The following ZNF700 variants were observed in gnomAD, a reference collection of about 807,000 sequenced individuals.
The protein encoded by ZNF700 is zinc finger protein 700.
In ZNF700, 38 loss-of-function variants were observed where a neutral mutation model predicts 65.3. The ratio of observed to expected loss-of-function variants is 0.58; its 90% CI spans 0.45 to 0.76. The LOEUF (loss-of-function observed/expected upper bound fraction) is 0.76. Among genes scored for constraint, ZNF700 ranks in the 30% least tolerant of loss-of-function variants. ZNF700 has a pLI of 0.00. For missense variants in ZNF700, 857 were observed against 888.4 expected, an observed-to-expected ratio of 0.96 and a Z score of 0.45; for synonymous variants, 285 against 290.4, an observed-to-expected ratio of 0.98 and a Z score of 0.19.
rs111791776 is a variant in ZNF700, at chr19:11,941,692, G to A, written c.64-5489G>A. Among the ~76,000 whole-genome samples the A allele has an allele frequency of 4.0e-3, 603 of 152,296 alleles. 4 individuals are homozygous for A. The highest frequency in any genetic ancestry group is 0.014 in the African/African-American group (579 of 41,568). ...CGCGCCTCTCCCTCCACCCCTCCCTGCAAGCTGAGGGAGCCGGCTCCCGCC... is the reference window on the plus strand; with the variant it reads ...CGCGCCTCTCCCTCCACCCCTCCCTACAAGCTGAGGGAGCCGGCTCCCGCC... On this transcript the variant is annotated intron_variant, in intron 1 of 3. Coordinates refer to ENST00000254321, the MANE Select transcript of ZNF700 (RefSeq NM_144566.3).
chr19:11,931,897 C>T (rs1179888532), intron 1 of ZNF700, among the ~76,000 whole-genome samples: 1 of 147,936 alleles, frequency 6.8e-6, no homozygotes, highest in Non-Finnish European at 1.5e-5. Context: ...ATGCAGATAG[C>T]CTGAGTTCAG....
intron 2 of ZNF700, 38 bp downstream of exon 2, chr19:11,947,345 A>T (rs1355344971): frequency 1.2e-6 from 2 of 1,611,812 alleles, no homozygotes; most frequent in African/African-American, 2.7e-5. Context: ...GTGCATTAGC[A>T]AACCAGTGTT....
Position 11,932,724 on chromosome 19 carries a change from G to A in ZNF700, c.63+7451G>A, listed in dbSNP as rs981132898. On this transcript the variant is annotated intron_variant, in intron 1 of 3. Coordinates refer to ENST00000254321, the MANE Select transcript of ZNF700 (RefSeq NM_144566.3). ...GTGATCTCGGCTCACTGCAAGCTCC[G>A]CCTCCCGGGTTCACGCCATTCTCCT... Among the ~76,000 whole-genome samples, 4 of 139,740 alleles carry A rather than the reference G, an allele frequency of 2.9e-5. No homozygotes were observed. In the Admixed American group the frequency reaches 2.9e-4, roughly 10 times the overall value. The allele number at this position is 139,740 out of a possible 152,430, so 91.7% of individuals were successfully genotyped here. A position where few individuals can be genotyped will look rare whatever the true frequency, so the allele number is the denominator to read the frequency against.
At chr19:11,946,227 G>C (rs1040126691) in intron 1 of ZNF700, among the ~76,000 whole-genome samples, 15 of 152,182 alleles carry the variant, frequency 9.9e-5, no homozygotes, top group African/African-American at 3.4e-4. Context: ...TCGTAAATGA[G>C]CTGCCAAGGG....
At chr19:11,936,145 G>A (rs1419157506) in intron 1 of ZNF700, among the ~76,000 whole-genome samples, 1 of 151,988 alleles carries the variant, frequency 6.6e-6, no homozygotes, top group Non-Finnish European at 1.5e-5. Context: ...CTTTGCTATT[G>A]TGAATAGTGA....
In ZNF700 at chr19:11,949,230, C is replaced by T; in HGVS notation, c.1206C>T (p.Ser402=). The stretch of plus-strand genomic sequence containing the variant: ...AATGTGGTAAAGCCTTCAATCTTTC[C>T]AGTTCCTTTCGATATCATGAAAGGA... The part of the protein sequence containing the change: ...CKQCGKAFNL[S]SSFRYHERIH... Residue 402 remains serine, a synonymous_variant, in exon 4 of 4, where the codon TCC becomes TCT. Coordinates refer to ENST00000254321, the MANE Select transcript of ZNF700 (RefSeq NM_144566.3). 2 of 1,613,696 alleles carry T rather than the reference C, an allele frequency of 1.2e-6. No homozygotes were observed. The highest frequency in any genetic ancestry group is 1.1e-5 in the South Asian group (1 of 91,036).
At position 11,948,560 on chromosome 19, in the gene ZNF700, C is replaced by G; in HGVS notation, c.536C>G (p.Pro179Arg). ...PKNKKAFRYR[P>R]SIRTQERDHT... ...AATAAGAAAGCCTTCAGGTATCGCC[C>G]ATCCATTAGAACACAAGAAAGGGAT... Residue 179 changes from proline to arginine, a missense_variant, in exon 4 of 4, where the codon CCA becomes CGA. By Grantham distance (103) the Pro-to-Arg change is moderately radical. Coordinates refer to ENST00000254321, the MANE Select transcript of ZNF700 (RefSeq NM_144566.3). 6.2e-7 allele frequency: 1 copy of G among 1,608,512 alleles called. No homozygotes were observed. The highest frequency in any genetic ancestry group is 8.5e-7 in the Non-Finnish European group (1 of 1,178,790).
At chr19:11,944,920 C>T (rs1192907175) in intron 1 of ZNF700, among the ~76,000 whole-genome samples, 1 of 152,218 alleles carries the variant, frequency 6.6e-6, no homozygotes, top group Non-Finnish European at 1.5e-5. Context: ...TGGCTCCCAG[C>T]AGCTGTGGCA....
chr19:11,947,424 A>G lies in ZNF700; in HGVS notation c.191-90A>G, dbSNP rs1473790797. On this transcript the variant is annotated intron_variant, in intron 2 of 3. Transcript: ENST00000254321. The stretch of plus-strand genomic sequence containing the variant: ...AAATACCTTGATGAATAAATGAGGC[A>G]TGGCTGCAGTAAATCATGGGCACAG... 1.9e-6 allele frequency: 3 copies of G among 1,600,592 alleles called. No individual in the cohort carries two copies. In the African/African-American group the frequency reaches 4.0e-5, roughly 22 times the overall value.
chr19:11,949,720 T>C lies in ZNF700; in HGVS notation c.1696T>C (p.Cys566Arg). 2 of 1,613,912 alleles carry C rather than the reference T, an allele frequency of 1.2e-6. No individual in the cohort carries two copies. Among genetic ancestry groups the C allele is most frequent in the Non-Finnish European group, 1.7e-6 (2 of 1,179,992 alleles). The change falls in exon 4 of 4, where the codon TGT becomes CGT. Residue 566 changes from cysteine to arginine, a missense_variant. Coordinates refer to ENST00000254321, the MANE Select transcript of ZNF700 (RefSeq NM_144566.3). ...RTHTGEKPYE[C>R]KQCGKAFRSA... The stretch of plus-strand genomic sequence containing the variant: ...TCACACTGGAGAGAAACCCTATGAG[T>C]GTAAGCAATGTGGGAAAGCCTTCAG...
chr19:11,943,680 C>T (rs1339734832), intron 1 of ZNF700, among the ~76,000 whole-genome samples: 1 of 152,200 alleles, frequency 6.6e-6, no homozygotes, highest in Non-Finnish European at 1.5e-5. Context: ...AGTTCCTAGG[C>T]ATTCATAATA....
chr19:11,950,445 A>G lies in ZNF700; in HGVS notation c.*192A>G, dbSNP rs574168880. 1 of 723,412 alleles carries G rather than the reference A, an allele frequency of 1.4e-6. No homozygotes were observed. The highest frequency in any genetic ancestry group is 2.5e-6 in the Non-Finnish European group (1 of 406,982). The allele number at this position is 723,412 out of a possible 1,614,324, so 44.8% of individuals were successfully genotyped here. ...CTTTTACTTCTTTTCAATGTCATGA[A>G]AGGACTCACACGGGAGAGAAACCCT... On this transcript the variant is annotated 3_prime_UTR_variant, in exon 4 of 4. Transcript: ENST00000254321.
Position 11,950,581 on chromosome 19 carries a change from G to T in ZNF700, c.*328G>T. 1 of 498,866 alleles carries T rather than the reference G, an allele frequency of 2.0e-6. No homozygotes were observed. Among genetic ancestry groups the T allele is most frequent in the South Asian group, 1.9e-5 (1 of 53,276 alleles). 30.9% of individuals were successfully genotyped at this position (498,866 alleles called of 1,614,324 possible). On this transcript the variant is annotated 3_prime_UTR_variant, in exon 4 of 4. Transcript: ENST00000254321. ...TTCAGATGTGCCTCGCACCTTCAAC[G>T]GCATGGAAGGGTTCACACTTGGGAG... is the stretch of plus-strand genomic sequence containing the variant.
chr19:11,940,792 GT>G (rs1329963673), intron 1 of ZNF700, among the ~76,000 whole-genome samples: 1 of 152,080 alleles, frequency 6.6e-6, no homozygotes, highest in African/African-American at 2.4e-5. Flanking sequence ...TGATTGGTGC[GT>G]TTACAATCCC....
intron 1 of ZNF700, among the ~76,000 whole-genome samples, chr19:11,944,780 C>T (rs1053191958): frequency 2.0e-5 from 3 of 152,198 alleles, no homozygotes; most frequent in Admixed American, 2.0e-4. Context: ...GTGTTGTTGG[C>T]AGGTAATACA....
chr19:11,948,371 A>C lies in ZNF700; in HGVS notation c.347A>C (p.Glu116Ala). ...QVPDDRLNFQ[E>A]KKASPEVKSC... ...CCAGATGACAGACTGAACTTCCAGG[A>C]GAAGAAAGCTTCTCCTGAAGTAAAA... Residue 116 changes from glutamate (E) to alanine (A), a missense_variant, in exon 4 of 4, where the codon GAG becomes GCG. Coordinates refer to ENST00000254321, the MANE Select transcript of ZNF700 (RefSeq NM_144566.3). 6.2e-7 allele frequency: 1 copy of C among 1,614,002 alleles called. No homozygotes were observed. The highest frequency in any genetic ancestry group is 8.5e-7 in the Non-Finnish European group (1 of 1,179,886).
intron 1 of ZNF700, among the ~76,000 whole-genome samples, chr19:11,945,224 A>G (rs1187735382): frequency 6.6e-6 from 1 of 152,186 alleles, no homozygotes; most frequent in Non-Finnish European, 1.5e-5. Context: ...GGTTCCCAGC[A>G]CCCCTCTTTG....
intron 1 of ZNF700, among the ~76,000 whole-genome samples, chr19:11,937,628 A>G (rs1476529345): frequency 2.0e-5 from 3 of 151,692 alleles, no homozygotes; most frequent in African/African-American, 7.3e-5. Flanking sequence ...AACTGAGACT[A>G]CAGGTGCCTA....
At chr19:11,937,243 G>A (rs1489720898) in intron 1 of ZNF700, among the ~76,000 whole-genome samples, 2 of 152,140 alleles carry the variant, frequency 1.3e-5, no homozygotes, top group Admixed American at 6.5e-5. Flanking sequence ...TCATTAGGAG[G>A]TAGTTTTGTA....
Sources: allele counts gnomAD v4.1 joint callset (sites outside exome capture counted in the v4.1 genomes callset), GRCh38; gene constraint gnomAD v4.1.1; transcripts MANE v1.5; gene names NCBI Gene and HGNC (gene_info 2026-07-23, HGNC 2026-07-21).